KIF26B: variants seen among roughly 807,000 people sequenced by gnomAD.
KIF26B encodes the protein kinesin-like protein KIF26B.
KIF26B carries 63 observed loss-of-function variants against 151.2 expected under a neutral mutation model. The ratio of observed to expected loss-of-function variants is 0.42; its 90% CI spans 0.34 to 0.51. The LOEUF (loss-of-function observed/expected upper bound fraction) is 0.51, where lower values mean the gene tolerates loss of function less well. Among genes scored for constraint, KIF26B ranks in the 20% least tolerant of loss-of-function variants. KIF26B has a pLI of 0.07. For missense variants in KIF26B, 2,813 were observed against 2,913.6 expected (o/e 0.97, Z 0.79); for synonymous variants, 1,357 against 1,262.1 (o/e 1.08, Z -1.59).
Position 245,702,935 on chromosome 1 carries a change from T to C in KIF26B, c.*329T>C. 1 of 262,934 alleles carries C rather than the reference T, an allele frequency of 3.8e-6. No homozygotes were observed. The highest frequency in any genetic ancestry group is 7.1e-6 in the Non-Finnish European group (1 of 139,964). 16.3% of individuals were successfully genotyped at this position (262,934 alleles called of 1,614,324 possible). On this transcript the variant is annotated 3_prime_UTR_variant, in exon 15 of 15. Transcript: ENST00000407071. This position sits in a 1 kb window ranked among gnomAD's most constrained non-coding sequence, Gnocchi z 4.1. The stretch of plus-strand genomic sequence containing the variant: ...AAAGAGACCTCACTCTTCTCTTGCT[T>C]TCGTGAGAAAGGAGGGGCGTGGATG...
At chr1:245,519,734 G>A (rs1418865999) in intron 4 of KIF26B, among the ~76,000 whole-genome samples, 2 of 152,138 alleles carry the variant, frequency 1.3e-5, no homozygotes, top group African/African-American at 2.4e-5. Flanking sequence ...GACTGTTGCT[G>A]TACTGAATAG....
At chr1:245,190,231 G>T (rs867229810) in intron 2 of KIF26B, among the ~76,000 whole-genome samples, 18 of 152,290 alleles carry the variant, frequency 1.2e-4, no homozygotes, top group Middle Eastern at 3.4e-3. Flanking sequence ...ATTTGGGAGG[G>T]GACACAGCCA....
rs1251203075 is a variant in KIF26B, at chr1:245,295,585, A to G, written c.466-71249A>G. ...CGTTTTCAGTCTGTGTTGAAAGCAC[A>G]TGAGATGTTGACGCATTTGCACACA... On this transcript the variant is annotated intron_variant, in intron 2 of 14. Coordinates refer to ENST00000407071, the MANE Select transcript of KIF26B (RefSeq NM_018012.4). Among the ~76,000 whole-genome samples, 12 of 152,246 alleles carry G rather than the reference A, an allele frequency of 7.9e-5. No individual in the cohort carries two copies. In the East Asian group the frequency reaches 9.6e-4, roughly 12 times the overall value.
chr1:245,340,843 T>C (rs959142586), intron 2 of KIF26B, among the ~76,000 whole-genome samples: 1 of 152,130 alleles, frequency 6.6e-6, no homozygotes, highest in Admixed American at 6.5e-5. Flanking sequence ...GCAGCTTCTC[T>C]GAGGGTGCGA....
chr1:245,684,001 C>T (rs900253386), intron 10 of KIF26B, among the ~76,000 whole-genome samples: 5 of 152,206 alleles, frequency 3.3e-5, no homozygotes, highest in Admixed American at 3.3e-4. Flanking sequence ...AGGACAGAAG[C>T]GCCAAGGGAG....
At chr1:245,278,440 T>C (rs780560365) in intron 2 of KIF26B, among the ~76,000 whole-genome samples, 5 of 152,192 alleles carry the variant, frequency 3.3e-5, no homozygotes, top group Non-Finnish European at 5.9e-5. Context: ...TACTTTGCAT[T>C]CAGAATTTCC....
At chr1:245,679,458 T>TGTG (rs1491094093) in intron 10 of KIF26B, among the ~76,000 whole-genome samples, 6 of 21,610 alleles carry the variant, frequency 2.8e-4, no homozygotes, top group East Asian at 1.1e-3. Flanking sequence ...TTTGTGTGTG[T>TGTG]TTTTTTTTTT....
intron 4 of KIF26B, among the ~76,000 whole-genome samples, chr1:245,455,056 C>G (rs1659482456): frequency 6.6e-6 from 1 of 152,128 alleles, no homozygotes; most frequent in Non-Finnish European, 1.5e-5. Context: ...GCTTGCAAGC[C>G]CTTTGCTACC....
Position 245,307,056 on chromosome 1 carries a change from A to C in KIF26B, c.466-59778A>C, listed in dbSNP as rs114846641. ...TCAAACTTATAAAGAGATTTTTGAA[A>C]CTCTCAAAACTCTGTGCAGGGTATT... On this transcript the variant is annotated intron_variant, in intron 2 of 14. Transcript: ENST00000407071. Among the ~76,000 whole-genome samples, 908 of 152,072 alleles carry C rather than the reference A, an allele frequency of 6.0e-3. 10 individuals carry two copies. Among genetic ancestry groups the C allele is most frequent in the African/African-American group, 0.019 (796 of 41,466 alleles).
At chr1:245,256,330 G>A (rs1167683222) in intron 2 of KIF26B, among the ~76,000 whole-genome samples, 1 of 152,188 alleles carries the variant, frequency 6.6e-6, no homozygotes, top group East Asian at 1.9e-4. Context: ...CAAACAAGAA[G>A]CTGATGTGCA....
chr1:245,600,324 C>A (rs1469330832), intron 5 of KIF26B, among the ~76,000 whole-genome samples: 1 of 144,880 alleles, frequency 6.9e-6, no homozygotes, highest in African/African-American at 2.5e-5. Flanking sequence ...AGGCGTGAGC[C>A]ACCACGCCTG....
At chr1:245,517,707 A>G (rs1372013298) in intron 4 of KIF26B, among the ~76,000 whole-genome samples, 1 of 152,136 alleles carries the variant, frequency 6.6e-6, no homozygotes, top group Non-Finnish European at 1.5e-5. Context: ...CACGGAACAT[A>G]TGGAAGAGAT....
chr1:245,341,924 T>C (rs1672342440), intron 2 of KIF26B, among the ~76,000 whole-genome samples: 1 of 152,172 alleles, frequency 6.6e-6, no homozygotes, highest in Non-Finnish European at 1.5e-5. Flanking sequence ...CCCTCCCCCT[T>C]AAGGGTTAGC....
At chr1:245,612,338 C>G (rs2043536982) in intron 9 of KIF26B, among the ~76,000 whole-genome samples, 1 of 152,034 alleles carries the variant, frequency 6.6e-6, no homozygotes, top group Non-Finnish European at 1.5e-5. Flanking sequence ...GTCTAGAACT[C>G]CCGGTCTTGA....
chr1:245,491,138 C>CT (rs71563753), intron 4 of KIF26B, among the ~76,000 whole-genome samples: 5,099 of 148,448 alleles, frequency 0.034, 130 homozygotes, highest in Non-Finnish European at 0.051. Flanking sequence ...TTTGTTTATT[C>CT]TTTTTTTTTT....
intron 5 of KIF26B, among the ~76,000 whole-genome samples, chr1:245,586,892 C>CCA (rs1223021178): frequency 1.8e-5 from 2 of 111,600 alleles, no homozygotes; most frequent in African/African-American, 6.3e-5. Context: ...GACTCCGTCT[C>CCA]AAAAAAAAAA....
At chr1:245,573,831 A>G (rs1223754804) in intron 5 of KIF26B, among the ~76,000 whole-genome samples, 1 of 152,122 alleles carries the variant, frequency 6.6e-6, no homozygotes, top group Admixed American at 6.5e-5. Flanking sequence ...GCGGCTACTG[A>G]GTGGTTAACA....
At chr1:245,547,649 ATTC>A (rs1661777942) in intron 5 of KIF26B, among the ~76,000 whole-genome samples, 2 of 151,418 alleles carry the variant, frequency 1.3e-5, no homozygotes, top group Non-Finnish European at 2.9e-5. Flanking sequence ...ATCACCTTTA[ATTC>A]TGCTGATGAG....
At position 245,387,172 on chromosome 1, in the gene KIF26B, T is replaced by TG. The variant is rs796918649; in HGVS notation, c.999+19805_999+19806insG. Among the ~76,000 whole-genome samples the TG allele has an allele frequency of 1.2e-4, 18 of 147,304 alleles. 1 individual carries two copies. Among genetic ancestry groups the TG allele is most frequent in the African/African-American group, 4.3e-4 (17 of 39,164 alleles). On this transcript the variant is annotated intron_variant, in intron 3 of 14. Coordinates refer to ENST00000407071, the MANE Select transcript of KIF26B (RefSeq NM_018012.4). The stretch of plus-strand genomic sequence containing the variant: ...TTTTTTTGTTTTTTGTTTTTTGTTT[T>TG]TTGTTTTTTGAGATGGAGTTTCACT...
Sources: gnomAD v4.1 joint callset for allele counts (sites outside exome capture counted in the v4.1 genomes callset) on GRCh38, gnomAD v4.1.1 for gene constraint, Gnocchi (gnomAD v3.1) non-coding constraint, MANE v1.5 for transcripts, NCBI Gene and HGNC (gene_info 2026-07-23, HGNC 2026-07-21) for gene names.